Variants in PNPLA4 observed in about 807,000 individuals in gnomAD.
The protein encoded by PNPLA4 is patatin-like phospholipase domain-containing protein 4.
In PNPLA4, 15 loss-of-function variants were observed where a neutral mutation model predicts 18.3. That is an observed-to-expected ratio of 0.82 (90% CI 0.55 to 1.26). The LOEUF (loss-of-function observed/expected upper bound fraction) is 1.26, where lower values mean the gene tolerates loss of function less well. Among genes scored for constraint, PNPLA4 ranks in the 50% most tolerant of loss-of-function variants. The pLI is 0.00. For missense variants in PNPLA4, 229 were observed against 196.8 expected, an observed-to-expected ratio of 1.16 and a Z score of -0.98; for synonymous variants, 88 against 85.6, an observed-to-expected ratio of 1.03 and a Z score of -0.16.
At chrX:7,915,550 G>A (rs1316765521) in intron 4 of PNPLA4, among the ~76,000 whole-genome samples, 1 of 112,115 alleles carries the variant, frequency 8.9e-6, no homozygotes, top group Non-Finnish European at 1.9e-5. Flanking sequence ...CCACTGATTT[G>A]TGTTCTTACT....
At chrX:7,917,863 T>G (rs183990685) in intron 4 of PNPLA4, among the ~76,000 whole-genome samples, 6 of 111,970 alleles carry the variant, frequency 5.4e-5, no homozygotes, top group African/African-American at 1.6e-4. Context: ...CTCTCACATA[T>G]TCTAAGCTAC....
intron 5 of PNPLA4, among the ~76,000 whole-genome samples, chrX:7,908,484 G>A (rs1373797932): frequency 1.8e-5 from 2 of 112,272 alleles, no homozygotes; most frequent in African/African-American, 3.2e-5. Context: ...CAACATTCAC[G>A]CTTCCCTGAA....
chrX:7,910,992 G>A (rs759073673), intron 5 of PNPLA4, among the ~76,000 whole-genome samples: 13 of 111,217 alleles, frequency 1.2e-4, no homozygotes, highest in Non-Finnish European at 2.3e-4. Flanking sequence ...TATCTCTGGT[G>A]TATGTGCTAA....
chrX:7,912,157 G>T, intron 4 of PNPLA4, 64 bp from the exon 5 acceptor site: 1 of 839,742 alleles, frequency 1.2e-6, no homozygotes, highest in South Asian at 2.1e-5. Flanking sequence ...CAATACAGTT[G>T]ATGTAGTATT....
chrX:7,904,937 A>T (rs944368368), intron 5 of PNPLA4, among the ~76,000 whole-genome samples: 2 of 112,175 alleles, frequency 1.8e-5, no homozygotes, highest in African/African-American at 6.5e-5. Flanking sequence ...GCAAGTACAT[A>T]AAAATTCCAA....
intron 4 of PNPLA4, among the ~76,000 whole-genome samples, chrX:7,916,876 A>G (rs1304313119): frequency 4.5e-5 from 5 of 111,834 alleles, no homozygotes; most frequent in Admixed American, 3.8e-4. Flanking sequence ...GCTCTGGTTA[A>G]CTCTATAAAG....
At chrX:7,917,962 T>A (rs1481090218) in intron 4 of PNPLA4, among the ~76,000 whole-genome samples, 3 of 112,243 alleles carry the variant, frequency 2.7e-5, no homozygotes, top group East Asian at 2.8e-4. Context: ...AGGCATTTTT[T>A]AAAAAATTCA....
At position 7,924,124 on chromosome X, in the gene PNPLA4, A is replaced by G. The variant is rs762258571; in HGVS notation, c.180+1816T>C. On this transcript the variant is annotated intron_variant, in intron 2 of 6. Transcript: ENST00000381042. ...TTATTCATCTTTGAGTTCCCCACTG[A>G]GTCTAGCACCATGGCTTCCTCGCAA... 5.4e-5 allele frequency among the ~76,000 whole-genome samples: 6 copies of G among 112,039 alleles called. No individual in the cohort carries two copies. In the East Asian group the frequency reaches 1.4e-3, roughly 26 times the overall value.
At chrX:7,912,896 T>A (rs1324274611) in intron 4 of PNPLA4, among the ~76,000 whole-genome samples, 1 of 111,962 alleles carries the variant, frequency 8.9e-6, no homozygotes, top group Non-Finnish European at 1.9e-5. Context: ...TCATCATACA[T>A]TATTCAGAAA....
At chrX:7,922,126 C>G (rs1455465893) in intron 2 of PNPLA4, 28 bp from the exon 3 acceptor site, 1 of 1,017,973 alleles carries the variant, frequency 9.8e-7, no homozygotes, top group Non-Finnish European at 1.4e-6. Flanking sequence ...AGAAGTGACC[C>G]TAGGTGTTGT....
At chrX:7,926,183 A>T in intron 1 of PNPLA4, 51 bp from the exon 2 acceptor site, 1 of 922,629 alleles carries the variant, frequency 1.1e-6, no homozygotes, top group Non-Finnish European at 1.5e-6. Context: ...TTTATCCCAC[A>T]TACTGTGTAG....
At chrX:7,907,829 C>T (rs1306389430) in intron 5 of PNPLA4, among the ~76,000 whole-genome samples, 6 of 108,769 alleles carry the variant, frequency 5.5e-5, no homozygotes, top group African/African-American at 1.7e-4. Context: ...TCAGGTGATC[C>T]TCCCACCTCG....
chrX:7,915,638 A>T (rs1480295507), intron 4 of PNPLA4, among the ~76,000 whole-genome samples: 1 of 111,885 alleles, frequency 8.9e-6, no homozygotes, highest in Non-Finnish European at 1.9e-5. Flanking sequence ...CGCATTCCCG[A>T]CACGTTCTGA....
At chrX:7,914,508 A>G (rs937306033) in intron 4 of PNPLA4, among the ~76,000 whole-genome samples, 2 of 112,178 alleles carry the variant, frequency 1.8e-5, no homozygotes, top group Non-Finnish European at 3.8e-5. Context: ...AAATAATCAC[A>G]GACCCTAGGT....
chrX:7,900,681 G>A lies in PNPLA4; in HGVS notation c.*5C>T, dbSNP rs1260630011. 3 of 1,113,509 alleles carry A rather than the reference G, an allele frequency of 2.7e-6. No homozygotes were observed. The highest frequency in any genetic ancestry group is 6.1e-5 in the East Asian group (2 of 32,606). The allele number at this position is 1,113,509 out of a possible 1,213,427, so 91.8% of individuals were successfully genotyped here. On this transcript the variant is annotated 3_prime_UTR_variant, in exon 7 of 7. Transcript: ENST00000381042. ...CGTGTTTTGCATTATAAACTTTTAT[G>A]CATTTTATTCAAACCAATTTTCTTT... is the stretch of plus-strand genomic sequence containing the variant.
chrX:7,921,525 T>C (rs767927685), intron 4 of PNPLA4, among the ~76,000 whole-genome samples, 188 bp downstream of exon 4: 6 of 112,076 alleles, frequency 5.4e-5, no homozygotes, highest in African/African-American at 1.9e-4. Flanking sequence ...CAGTGCATCA[T>C]AAGGCGGCCT....
intron 2 of PNPLA4, among the ~76,000 whole-genome samples, chrX:7,923,096 T>C (rs988086539): frequency 1.8e-5 from 2 of 112,636 alleles, no homozygotes; most frequent in East Asian, 2.8e-4. Context: ...GGCTATATTA[T>C]TGCAGCAGTC....
chrX:7,910,622 T>C (rs1923843624), intron 5 of PNPLA4, among the ~76,000 whole-genome samples: 1 of 110,522 alleles, frequency 9.0e-6, no homozygotes, highest in South Asian at 3.7e-4. Flanking sequence ...ATGTATGAAA[T>C]ATCTACTCTA....
At chrX:7,915,310 G>T (rs1020697654) in intron 4 of PNPLA4, among the ~76,000 whole-genome samples, 1 of 80,016 alleles carries the variant, frequency 1.2e-5, no homozygotes, top group African/African-American at 4.5e-5. Flanking sequence ...TGGAGGGTGG[G>T]GGGGGGGGTG....
Sources: gnomAD v4.1 joint callset for allele counts (sites outside exome capture counted in the v4.1 genomes callset) on GRCh38, gnomAD v4.1.1 for gene constraint, MANE v1.5 for transcripts, NCBI Gene and HGNC (gene_info 2026-07-23, HGNC 2026-07-21) for gene names.